The following NFAT5 variants were observed in gnomAD, a reference collection of about 807,000 sequenced individuals.
NFAT5 encodes nuclear factor of activated T cells 5.
Under a neutral mutation model 166.5 loss-of-function variants are expected in NFAT5, and 31 were observed. The ratio of observed to expected loss-of-function variants is 0.19; its 90% CI spans 0.14 to 0.25. The LOEUF (loss-of-function observed/expected upper bound fraction) is 0.25. Among genes scored for constraint, NFAT5 ranks in the 10% least tolerant of loss-of-function variants. The pLI, the probability that NFAT5 is intolerant of heterozygous loss-of-function variation, is 1.00. For missense variants in NFAT5, 1,449 were observed against 1,821.8 expected (o/e 0.80, Z 3.72); for synonymous variants, 612 against 639.7 (o/e 0.96, Z 0.65).
chr16:69,568,423 G>A (rs542660186), intron 1 of NFAT5, 72 bp from the exon 2 acceptor site: 147 of 974,196 alleles, frequency 1.5e-4, no homozygotes, highest in Non-Finnish European at 2.1e-4. Context: ...TTATATAAGA[G>A]ATGTATGCTA....
intron 2 of NFAT5, among the ~76,000 whole-genome samples, chr16:69,590,124 T>C (rs1432349321): frequency 6.6e-6 from 1 of 152,182 alleles, no homozygotes; most frequent in African/African-American, 2.4e-5. Context: ...CAGTGAACTA[T>C]GATCGCACGA....
At chr16:69,635,302 T>C (rs1022112708) in intron 3 of NFAT5, among the ~76,000 whole-genome samples, 6 of 152,188 alleles carry the variant, frequency 3.9e-5, no homozygotes, top group Non-Finnish European at 8.8e-5. Context: ...TGAGCCACCA[T>C]GCCTGGCCAT....
rs2037228129 is a variant in NFAT5 at position 69,684,969 on chromosome 16, AG to A, written c.1774+1del. The part of the protein sequence containing the change: ...RPCSFEEAMK[A>X]MKTTGCNLDK... ...CTTGCTCTTTTGAAGAGGCCATGAA[AG>A]GTACCAAGTAAATTCTTCTCAAAAA... On this transcript the variant is annotated frameshift_variant and splice_region_variant, in exon 11 of 15. Transcript: ENST00000349945. LOFTEE classifies it high-confidence loss of function. 1 of 1,605,802 alleles carries A rather than the reference AG, an allele frequency of 6.2e-7. No individual in the cohort carries two copies. Among genetic ancestry groups the A allele is most frequent in the African/African-American group, 1.3e-5 (1 of 74,652 alleles).
chr16:69,688,778 T>A (rs2037431664), intron 11 of NFAT5, among the ~76,000 whole-genome samples: 1 of 152,230 alleles, frequency 6.6e-6, no homozygotes, highest in African/African-American at 2.4e-5. Flanking sequence ...ATTTGTTGAT[T>A]ACCTACTGTG....
At chr16:69,683,126 G>A (rs1211904423) in intron 10 of NFAT5, among the ~76,000 whole-genome samples, 6 of 152,136 alleles carry the variant, frequency 3.9e-5, no homozygotes, top group South Asian at 2.1e-4. Context: ...CAGGAGAATC[G>A]CTTGAACCCA....
intron 3 of NFAT5, among the ~76,000 whole-genome samples, chr16:69,646,120 G>C (rs1408326029): frequency 1.3e-5 from 2 of 152,112 alleles, no homozygotes; most frequent in Admixed American, 1.3e-4. Flanking sequence ...AATCAACCAG[G>C]TCCTTTAAAA....
chr16:69,573,535 T>C (rs1242847546), intron 2 of NFAT5, among the ~76,000 whole-genome samples: 1 of 152,182 alleles, frequency 6.6e-6, no homozygotes, highest in Non-Finnish European at 1.5e-5. Flanking sequence ...TCTAGTAAAC[T>C]AAAAGTATTA....
chr16:69,691,545 G>T (rs543209037), intron 12 of NFAT5, among the ~76,000 whole-genome samples: 2 of 151,920 alleles, frequency 1.3e-5, no homozygotes, highest in East Asian at 1.9e-4. Context: ...TTTGCTTGTC[G>T]TACTTTTAAA....
intron 7 of NFAT5, among the ~76,000 whole-genome samples, chr16:69,662,560 C>T (rs573220803): frequency 1.9e-4 from 28 of 151,104 alleles, no homozygotes; most frequent in Admixed American, 4.6e-4. Context: ...CCCGGGTTCC[C>T]GCCATTCTCC....
chr16:69,616,163 A>G (rs1224037505), intron 2 of NFAT5, among the ~76,000 whole-genome samples: 5 of 152,018 alleles, frequency 3.3e-5, no homozygotes, highest in Non-Finnish European at 7.4e-5. Context: ...TTCCCACCGT[A>G]GGCAACCCTT....
At chr16:69,667,359 G>A (rs2036435753) in intron 7 of NFAT5, among the ~76,000 whole-genome samples, 3 of 151,756 alleles carry the variant, frequency 2.0e-5, no homozygotes, top group Admixed American at 2.0e-4. Flanking sequence ...TACAAGAATA[G>A]TAAATTTTAA....
At chr16:69,625,532 CT>C (rs138982383) in intron 2 of NFAT5, among the ~76,000 whole-genome samples, 5,841 of 140,896 alleles carry the variant, frequency 0.041, 345 homozygotes, top group African/African-American at 0.14. Context: ...CATAACATTC[CT>C]TTTTTTTTTT....
chr16:69,655,842 G>C (rs753781357), intron 6 of NFAT5, 43 bp downstream of exon 6: 5 of 1,450,220 alleles, frequency 3.4e-6, no homozygotes, highest in Non-Finnish European at 4.7e-6. Flanking sequence ...TTACACTCTT[G>C]TGTTAGGCAG....
intron 2 of NFAT5, among the ~76,000 whole-genome samples, chr16:69,617,305 C>T (rs2151566256): frequency 6.6e-6 from 1 of 152,098 alleles, no homozygotes; most frequent in Non-Finnish European, 1.5e-5. Flanking sequence ...TATAAATAAA[C>T]CATAAATGTT....
intron 4 of NFAT5, chr16:69,648,440 CAG>C (rs1250312258): frequency 1.0e-4 from 101 of 983,368 alleles, no homozygotes; most frequent in Non-Finnish European, 1.2e-4. Flanking sequence ...ATTGATTGTA[CAG>C]AGTCGATATT....
intron 3 of NFAT5, among the ~76,000 whole-genome samples, chr16:69,637,077 C>T (rs1281133922): frequency 1.3e-5 from 2 of 152,076 alleles, no homozygotes; most frequent in African/African-American, 4.8e-5. Flanking sequence ...CACTAGATAC[C>T]CTAAATCATC....
intron 2 of NFAT5, among the ~76,000 whole-genome samples, chr16:69,588,118 C>T (rs539562929): frequency 2.0e-5 from 3 of 151,078 alleles, no homozygotes; most frequent in African/African-American, 4.9e-5. Context: ...ATGCCTGGCC[C>T]GTTTTTGTGT....
chr16:69,631,438 C>T (rs1297155153), intron 3 of NFAT5, among the ~76,000 whole-genome samples: 2 of 151,642 alleles, frequency 1.3e-5, no homozygotes, highest in Admixed American at 1.3e-4. Flanking sequence ...CTCAAAGAAA[C>T]AAAACAAAAC....
intron 3 of NFAT5, 95 bp from the exon 4 acceptor site, chr16:69,646,933 A>G (rs1278937382): frequency 2.8e-6 from 3 of 1,058,904 alleles, no homozygotes; most frequent in Non-Finnish European, 4.0e-6. Context: ...TTTGGGGAAA[A>G]ACAATCAGTT....
Sources: allele counts gnomAD v4.1 joint callset (sites outside exome capture counted in the v4.1 genomes callset), GRCh38; gene constraint gnomAD v4.1.1; transcripts MANE v1.5; gene names NCBI Gene and HGNC (gene_info 2026-07-23, HGNC 2026-07-21).